The following ERC1 variants were observed in gnomAD, a reference collection of about 807,000 sequenced individuals.
ERC1 encodes the protein ELKS/RAB6-interacting/CAST family member 1.
Under a neutral mutation model 132.0 loss-of-function variants are expected in ERC1, and 56 were observed. The observed-to-expected ratio is 0.42, with a 90% CI of 0.34 to 0.53. ERC1 has a LOEUF of 0.53. ERC1 is among the 20% of genes least tolerant of loss of function. ERC1 has a pLI of 0.03. For missense variants in ERC1, 1,202 were observed against 1,349.9 expected, an observed-to-expected ratio of 0.89 and a Z score of 1.72; for synonymous variants, 478 against 476.1, an observed-to-expected ratio of 1.00 and a Z score of -0.05.
chr12:1,293,205 A>G (rs1247115037), intron 15 of ERC1, among the ~76,000 whole-genome samples: 10 of 150,680 alleles, frequency 6.6e-5, no homozygotes, highest in Admixed American at 6.0e-4. Flanking sequence ...CTATAATCCC[A>G]GCACTTTGGG....
At chr12:1,465,742 C>T (rs2093730292) in intron 18 of ERC1, among the ~76,000 whole-genome samples, 1 of 152,218 alleles carries the variant, frequency 6.6e-6, no homozygotes, top group Non-Finnish European at 1.5e-5. Context: ...CAGCCTCTCT[C>T]CCCGCAGTAC....
chr12:1,053,908 A>G (rs1192669231), intron 2 of ERC1, among the ~76,000 whole-genome samples: 1 of 152,062 alleles, frequency 6.6e-6, no homozygotes, highest in Non-Finnish European at 1.5e-5. Flanking sequence ...CCTGGAAACC[A>G]CCTCTGTTTT....
At chr12:1,004,806 CTGTG>C (rs60674277) in intron 1 of ERC1, among the ~76,000 whole-genome samples, 4,162 of 146,880 alleles carry the variant, frequency 0.028, 131 homozygotes, top group African/African-American at 0.079. Context: ...CTGCCTTTTT[CTGTG>C]TGTGTGTGTG....
At chr12:1,399,487 A>C (rs2090839785) in intron 16 of ERC1, among the ~76,000 whole-genome samples, 1 of 152,208 alleles carries the variant, frequency 6.6e-6, no homozygotes, top group South Asian at 2.1e-4. Context: ...TATATATTAA[A>C]TACATTTTCA....
chr12:1,492,151 C>T lies in ERC1; in HGVS notation c.*1921C>T, dbSNP rs1321964841. 3 of 232,836 alleles carry T rather than the reference C, an allele frequency of 1.3e-5. No individual in the cohort carries two copies. The highest frequency in any genetic ancestry group is 2.5e-5 in the Non-Finnish European group (3 of 117,780). The allele number at this position is 232,836 out of a possible 1,614,324, so 14.4% of individuals were successfully genotyped here. A position where few individuals can be genotyped will look rare whatever the true frequency, so the allele number is the denominator to read the frequency against. Reference sequence around the variant, plus strand: ...GAGGAAACTGTGGAGCGTTTCTTATCGAAGGTTAAATGGACTCTGCTCATA... The same window carrying T: ...GAGGAAACTGTGGAGCGTTTCTTATTGAAGGTTAAATGGACTCTGCTCATA... On this transcript the variant is annotated 3_prime_UTR_variant, in exon 19 of 19. Transcript: ENST00000360905.
At chr12:1,441,592 C>G (rs922797181) in intron 17 of ERC1, among the ~76,000 whole-genome samples, 1 of 152,176 alleles carries the variant, frequency 6.6e-6, no homozygotes, top group African/African-American at 2.4e-5. Context: ...TCAGCCTTTG[C>G]AGCCCAGATG....
intron 16 of ERC1, among the ~76,000 whole-genome samples, chr12:1,379,856 G>C (rs1182487789): frequency 6.6e-6 from 1 of 152,108 alleles, no homozygotes; most frequent in East Asian, 1.9e-4. Context: ...CCCTTATATA[G>C]TATAGGAGGG....
chr12:1,287,883 G>T (rs1452688918), intron 14 of ERC1, among the ~76,000 whole-genome samples: 1 of 152,128 alleles, frequency 6.6e-6, no homozygotes, highest in Admixed American at 6.5e-5. Context: ...TCTGACTAAG[G>T]TACAGACAAT....
intron 17 of ERC1, among the ~76,000 whole-genome samples, chr12:1,426,758 A>C (rs965436835): frequency 2.0e-5 from 3 of 151,898 alleles, no homozygotes; most frequent in African/African-American, 7.3e-5. Flanking sequence ...TCTTAATTCT[A>C]CCCCAGGTTG....
intron 7 of ERC1, among the ~76,000 whole-genome samples, chr12:1,134,152 G>C (rs1405909267): frequency 1.3e-5 from 2 of 151,918 alleles, no homozygotes; most frequent in Non-Finnish European, 1.5e-5. Flanking sequence ...TTGTTAGATG[G>C]TACCAAAATT....
chr12:1,430,334 G>A (rs565339487), intron 17 of ERC1: 5 of 151,990 alleles, frequency 3.3e-5, no homozygotes, highest in Admixed American at 6.5e-5. Flanking sequence ...GGGTATTAGG[G>A]CTTAGGCACC....
chr12:1,241,252 T>C (rs189708360), intron 13 of ERC1, among the ~76,000 whole-genome samples: 3 of 152,344 alleles, frequency 2.0e-5, no homozygotes, highest in Non-Finnish European at 2.9e-5. Flanking sequence ...TTATATTTCA[T>C]TTCTTCAGTG....
chr12:1,407,633 G>A (rs557291087), intron 16 of ERC1, among the ~76,000 whole-genome samples: 117 of 152,224 alleles, frequency 7.7e-4, no homozygotes, highest in Non-Finnish European at 1.1e-3. Context: ...CTTAGCCCAA[G>A]CTGCCATAAT....
At chr12:1,252,358 T>A (rs1416894963) in intron 13 of ERC1, among the ~76,000 whole-genome samples, 1 of 152,142 alleles carries the variant, frequency 6.6e-6, no homozygotes, top group Non-Finnish European at 1.5e-5. Context: ...TTTTTGGGAT[T>A]TTTTGGTAAA....
At chr12:1,430,381 CT>C (rs537628665) in intron 17 of ERC1, 2,466 of 142,764 alleles carry the variant, frequency 0.017, 22 homozygotes, top group African/African-American at 0.036. Flanking sequence ...AATTTTCAGG[CT>C]TTTTTTTTTT....
chr12:1,286,308 A>AG (rs1226338733), intron 14 of ERC1, among the ~76,000 whole-genome samples: 3 of 151,620 alleles, frequency 2.0e-5, no homozygotes, highest in Admixed American at 6.6e-5. Context: ...AAAAAAAAAA[A>AG]AAAGAAAACT....
intron 14 of ERC1, among the ~76,000 whole-genome samples, chr12:1,281,923 G>A (rs540224027): frequency 6.6e-6 from 1 of 152,040 alleles, no homozygotes; most frequent in South Asian, 2.1e-4. Context: ...GGGGATGTTT[G>A]CTTTGAAAAT....
rs2093495721 is a variant in ERC1 at position 1,454,798 on chromosome 12, C to CA, written c.3213+10050dup. ...CATATATGTTTCCATAAACAATGTACAATACTGTTGAGTGTGATATAAATT... is the reference window on the plus strand; with the variant it reads ...CATATATGTTTCCATAAACAATGTACAAATACTGTTGAGTGTGATATAAATT... On this transcript the variant is annotated intron_variant, in intron 18 of 18. Transcript: ENST00000360905. 3.3e-5 allele frequency among the ~76,000 whole-genome samples: 5 copies of CA among 152,112 alleles called. No homozygotes were observed. In the South Asian group the frequency reaches 1.0e-3, roughly 32 times the overall value.
chr12:1,188,976 A>G (rs1288104670), intron 11 of ERC1, among the ~76,000 whole-genome samples: 1 of 152,244 alleles, frequency 6.6e-6, no homozygotes, highest in Non-Finnish European at 1.5e-5. Flanking sequence ...ACTGTTTTGT[A>G]TTCCAAAATG....
Sources: gnomAD v4.1 joint callset for allele counts (sites outside exome capture counted in the v4.1 genomes callset) on GRCh38, gnomAD v4.1.1 for gene constraint, MANE v1.5 for transcripts, NCBI Gene and HGNC (gene_info 2026-07-23, HGNC 2026-07-21) for gene names.